TSHZ2: variants seen among roughly 807,000 people sequenced by gnomAD.
The protein encoded by TSHZ2 is teashirt homolog 2.
Under a neutral mutation model 74.4 loss-of-function variants are expected in TSHZ2, and 21 were observed. The observed-to-expected ratio is 0.28, with a 90% CI of 0.20 to 0.41. TSHZ2 has a LOEUF of 0.41. Ranked by LOEUF, TSHZ2 falls within the 10% of genes least tolerant of loss-of-function variation. The pLI is 1.00. For synonymous variants in TSHZ2, 540 were observed against 515.3 expected (o/e 1.05, Z -0.65); for missense variants, 1,244 against 1,293.5 (o/e 0.96, Z 0.59).
chr20:53,002,738 A>T (rs747324950), intron 1 of TSHZ2, among the ~76,000 whole-genome samples: 12 of 152,236 alleles, frequency 7.9e-5, no homozygotes, highest in Non-Finnish European at 1.2e-4. Context: ...TGTCCAGTAC[A>T]GTATTTGGGA....
intron 1 of TSHZ2, among the ~76,000 whole-genome samples, chr20:53,114,649 G>A (rs1273720403): frequency 6.6e-6 from 1 of 150,402 alleles, no homozygotes; most frequent in East Asian, 2.2e-4. Context: ...ACCTCTTTCC[G>A]CCACTCTGGA....
At chr20:53,102,257 C>A (rs531613463) in intron 1 of TSHZ2, among the ~76,000 whole-genome samples, 5 of 152,116 alleles carry the variant, frequency 3.3e-5, no homozygotes, top group Admixed American at 6.5e-5. Flanking sequence ...CATGCCAGAA[C>A]ATCTGCAGGA....
chr20:53,246,478 C>T (rs572536436), intron 1 of TSHZ2, among the ~76,000 whole-genome samples: 2 of 152,256 alleles, frequency 1.3e-5, no homozygotes, highest in South Asian at 2.1e-4. Flanking sequence ...CCACCTGGCC[C>T]GCTTCGCCCA....
At chr20:53,352,549 G>A (rs1053718427) in intron 2 of TSHZ2, among the ~76,000 whole-genome samples, 2 of 151,912 alleles carry the variant, frequency 1.3e-5, no homozygotes, top group Admixed American at 6.6e-5. Flanking sequence ...CAAGGTGAGC[G>A]GGTCACGTGA....
chr20:53,089,492 T>G (rs1985809687), intron 1 of TSHZ2, among the ~76,000 whole-genome samples: 1 of 152,082 alleles, frequency 6.6e-6, no homozygotes, highest in African/African-American at 2.4e-5. Flanking sequence ...AACAAAAACT[T>G]TATGAAGTAT....
At chr20:53,231,851 G>A (rs920737551) in intron 1 of TSHZ2, among the ~76,000 whole-genome samples, 1 of 152,122 alleles carries the variant, frequency 6.6e-6, no homozygotes, top group Non-Finnish European at 1.5e-5. Flanking sequence ...CATTTGCAGT[G>A]AATCCTTGAG....
At chr20:53,315,580 G>A (rs1475587045) in intron 2 of TSHZ2, among the ~76,000 whole-genome samples, 1 of 152,180 alleles carries the variant, frequency 6.6e-6, no homozygotes, top group African/African-American at 2.4e-5. Flanking sequence ...GTCAAAGGAA[G>A]ATAGGTTCCT....
chr20:53,254,735 T>C lies in TSHZ2; in HGVS notation c.1277T>C (p.Val426Ala). Residue 426 changes from valine to alanine, a missense_variant, in exon 2 of 3, where the codon GTG becomes GCG. Physicochemically the swap from Val to Ala is moderately conservative, Grantham distance 64. This residue lies in a region of TSHZ2 where 562 missense variants were observed against 544.0 expected (regional missense o/e 1.03). Coordinates refer to ENST00000371497, the MANE Select transcript of TSHZ2 (RefSeq NM_173485.6). ...GKQLVLDPLA[V>A]EKMQSLSEAP... ...CAGCTGGTATTAGACCCGTTAGCAG[T>C]GGAGAAAATGCAGTCGTTGTCTGAG... 6.2e-7 allele frequency: 1 copy of C among 1,613,464 alleles called. No individual in the cohort carries two copies. Among genetic ancestry groups the C allele is most frequent in the Non-Finnish European group, 8.5e-7 (1 of 1,179,598 alleles).
At chr20:53,276,816 T>C (rs746139751) in intron 2 of TSHZ2, among the ~76,000 whole-genome samples, 10 of 152,182 alleles carry the variant, frequency 6.6e-5, no homozygotes, top group Non-Finnish European at 8.8e-5. Context: ...TTGAGAACCA[T>C]TGCTTTAAGT....
At chr20:53,122,911 C>A (rs907310742) in intron 1 of TSHZ2, among the ~76,000 whole-genome samples, 11 of 152,154 alleles carry the variant, frequency 7.2e-5, no homozygotes, top group Non-Finnish European at 2.9e-5. Context: ...ATTTCTGTTC[C>A]AAATTCTCTA....
At position 53,260,566 on chromosome 20, in the gene TSHZ2, C is replaced by T. The variant is rs911136251; in HGVS notation, c.*8+3995C>T. On this transcript the variant is annotated intron_variant, in intron 2 of 2. Coordinates refer to ENST00000371497, the MANE Select transcript of TSHZ2 (RefSeq NM_173485.6). The stretch of plus-strand genomic sequence containing the variant: ...GGCTCTGCCTGGTTCTGGGGGAAGC[C>T]GGGATGGGGAACAGTGGTCTCAGAG... Among the ~76,000 whole-genome samples the T allele has an allele frequency of 9.9e-5, 15 of 152,130 alleles. 1 individual carries two copies. Among genetic ancestry groups the T allele is most frequent in the African/African-American group, 2.7e-4 (11 of 41,492 alleles).
intron 1 of TSHZ2, among the ~76,000 whole-genome samples, chr20:53,109,345 T>C (rs1428055559): frequency 2.0e-5 from 3 of 152,200 alleles, no homozygotes; most frequent in Non-Finnish European, 4.4e-5. Context: ...CTATCATCTG[T>C]CTGTCGGTCT....
At chr20:53,043,908 C>A (rs1984133542) in intron 1 of TSHZ2, among the ~76,000 whole-genome samples, 1 of 152,094 alleles carries the variant, frequency 6.6e-6, no homozygotes, top group South Asian at 2.1e-4. Context: ...AACATCTGTA[C>A]TTCGCTGGAG....
At chr20:53,102,570 G>A (rs16997515) in intron 1 of TSHZ2, among the ~76,000 whole-genome samples, 39,623 of 151,842 alleles carry the variant, frequency 0.26, 7,901 homozygotes, top group African/African-American at 0.57. Flanking sequence ...TGCAATTTAC[G>A]GAGAGTAGAA....
intron 1 of TSHZ2, among the ~76,000 whole-genome samples, chr20:52,991,170 G>T (rs1420286582): frequency 3.9e-5 from 6 of 151,950 alleles, no homozygotes; most frequent in African/African-American, 1.5e-4. Context: ...GTGTGTTGTA[G>T]GGGGAGAGAG....
intron 1 of TSHZ2, among the ~76,000 whole-genome samples, chr20:53,132,499 C>T (rs1987131417): frequency 6.6e-6 from 1 of 152,034 alleles, no homozygotes; most frequent in Admixed American, 6.6e-5. Context: ...AGGCTGGTCT[C>T]AAACTCCTGA....
chr20:53,387,380 C>T (rs1982087446), intron 2 of TSHZ2, among the ~76,000 whole-genome samples: 1 of 152,166 alleles, frequency 6.6e-6, no homozygotes, highest in African/African-American at 2.4e-5. Context: ...TCCCTTGATT[C>T]TATGTGGGGA....
chr20:53,262,368 G>A (rs1461312782), intron 2 of TSHZ2, among the ~76,000 whole-genome samples: 8 of 152,154 alleles, frequency 5.3e-5, no homozygotes, highest in African/African-American at 1.9e-4. Flanking sequence ...GCCCTCTATT[G>A]TTGGAAATGA....
chr20:53,034,708 G>C (rs529513230), intron 1 of TSHZ2, among the ~76,000 whole-genome samples: 1 of 152,320 alleles, frequency 6.6e-6, no homozygotes, highest in African/African-American at 2.4e-5. Flanking sequence ...CAGGTTGAGG[G>C]AACAGCAAGG....
Sources: gnomAD v4.1 joint callset for allele counts (sites outside exome capture counted in the v4.1 genomes callset) on GRCh38, gnomAD v4.1.1 for gene constraint, gnomAD v4.1.1 regional missense constraint, MANE v1.5 for transcripts, NCBI Gene and HGNC (gene_info 2026-07-23, HGNC 2026-07-21) for gene names.